The following TLE4 variants were observed in gnomAD, a reference collection of about 807,000 sequenced individuals.
The protein encoded by TLE4 is TLE family member 4, transcriptional corepressor.
In TLE4, 8 loss-of-function variants were observed where a neutral mutation model predicts 92.8. The observed-to-expected ratio is 0.09, with a 90% CI of 0.05 to 0.16. TLE4 has a LOEUF of 0.16. TLE4 is among the 10% of genes least tolerant of loss of function. TLE4 has a pLI of 1.00. For synonymous variants in TLE4, 371 were observed against 374.1 expected, an observed-to-expected ratio of 0.99 and a Z score of 0.10; for missense variants, 675 against 997.6, an observed-to-expected ratio of 0.68 and a Z score of 4.36.
intron 8 of TLE4, among the ~76,000 whole-genome samples, chr9:79,689,672 G>A (rs373263774): frequency 1.3e-5 from 2 of 152,166 alleles, no homozygotes; most frequent in Non-Finnish European, 2.9e-5. Flanking sequence ...TCATCCTGAC[G>A]TGACTGGCTT....
intron 8 of TLE4, among the ~76,000 whole-genome samples, chr9:79,677,432 T>TA (rs1445508340): frequency 2.0e-5 from 3 of 152,120 alleles, no homozygotes; most frequent in African/African-American, 7.2e-5. Context: ...CTGTGTGCCT[T>TA]ATGTATGTTG....
chr9:79,682,201 T>G (rs1426003795), intron 8 of TLE4, among the ~76,000 whole-genome samples: 1 of 152,180 alleles, frequency 6.6e-6, no homozygotes, highest in Non-Finnish European at 1.5e-5. Flanking sequence ...TCCACTATTC[T>G]GAAATCCAGA....
At chr9:79,718,580 T>C (rs1438310224) in intron 14 of TLE4, 142 bp from the exon 15 acceptor site, 4 of 1,278,788 alleles carry the variant, frequency 3.1e-6, no homozygotes, top group South Asian at 3.1e-5. Flanking sequence ...AATTATGTTC[T>C]TTACACTGTA....
intron 8 of TLE4, among the ~76,000 whole-genome samples, chr9:79,670,699 G>T (rs1178998695): frequency 6.6e-6 from 1 of 152,108 alleles, no homozygotes; most frequent in Non-Finnish European, 1.5e-5. Flanking sequence ...ACAGCCAGTA[G>T]GCAGGAAACA....
chr9:79,627,261 T>A, intron 5 of TLE4, 113 bp from the exon 6 acceptor site: 3 of 1,035,550 alleles, frequency 2.9e-6, no homozygotes, highest in Non-Finnish European at 3.0e-6. Flanking sequence ...AACCTGGAGA[T>A]CCCCCAAATG....
At chr9:79,694,998 G>GGTCACAGACAGCTGAGGAGTGT (rs1426848291) in intron 8 of TLE4, among the ~76,000 whole-genome samples, 2 of 152,134 alleles carry the variant, frequency 1.3e-5, no homozygotes, top group Non-Finnish European at 2.9e-5. Flanking sequence ...GTTTCCCTGT[G>GGTCACAGACAGCTGAGGAGTGT]GTCACAGACA....
chr9:79,671,485 A>G (rs1281411717), intron 8 of TLE4: 2 of 298,158 alleles, frequency 6.7e-6, no homozygotes, highest in Non-Finnish European at 1.4e-5. Flanking sequence ...GTTGTAAACC[A>G]TAACAATTCT....
At chr9:79,706,392 C>A (rs2071568722) in intron 10 of TLE4, among the ~76,000 whole-genome samples, 1 of 146,192 alleles carries the variant, frequency 6.8e-6, no homozygotes, top group Non-Finnish European at 1.5e-5. Context: ...TGTTATTGAT[C>A]TTTTTTTTTT....
Position 79,572,755 on chromosome 9 carries a change from C to G in TLE4, c.-36C>G. On this transcript the variant is annotated 5_prime_UTR_variant, in exon 1 of 20. Transcript: ENST00000376552. ...GGGTCATTAAAGCCAATGAGCCGCG[C>G]GCCTCTGCCGAGCGCAGCCAACTAA... 6.3e-7 allele frequency: 1 copy of G among 1,591,492 alleles called. No individual in the cohort carries two copies.
chr9:79,593,492 ACAGT>A (rs1411010737), intron 4 of TLE4, among the ~76,000 whole-genome samples: 2 of 152,190 alleles, frequency 1.3e-5, no homozygotes, highest in Non-Finnish European at 2.9e-5. Context: ...GAAACTCTAA[ACAGT>A]CAGAACACAG....
intron 8 of TLE4, among the ~76,000 whole-genome samples, chr9:79,668,488 A>G (rs890418039): frequency 6.6e-6 from 1 of 152,160 alleles, no homozygotes; most frequent in Non-Finnish European, 1.5e-5. Flanking sequence ...TTTGTTGCTT[A>G]TGTACCTTGG....
chr9:79,701,786 G>C (rs989535800), intron 8 of TLE4, among the ~76,000 whole-genome samples: 1 of 152,154 alleles, frequency 6.6e-6, no homozygotes, highest in Non-Finnish European at 1.5e-5. Flanking sequence ...GCGTGCAGAG[G>C]GGATGTTCAG....
At chr9:79,654,910 G>A (rs1316964042) in intron 8 of TLE4, among the ~76,000 whole-genome samples, 3 of 152,190 alleles carry the variant, frequency 2.0e-5, no homozygotes, top group East Asian at 3.9e-4. Flanking sequence ...TTGGGAGGCC[G>A]AGGTGGGCGG....
At chr9:79,672,880 C>G (rs1313439114) in intron 8 of TLE4, among the ~76,000 whole-genome samples, 2 of 152,128 alleles carry the variant, frequency 1.3e-5, no homozygotes, top group African/African-American at 2.4e-5. Flanking sequence ...AAAGTGGAAA[C>G]TTTCTACAGC....
intron 8 of TLE4, among the ~76,000 whole-genome samples, chr9:79,688,720 G>A (rs1025042170): frequency 1.3e-5 from 2 of 151,646 alleles, no homozygotes; most frequent in African/African-American, 2.4e-5. Context: ...TCAAAGCCTC[G>A]ATGTTTAATC....
intron 8 of TLE4, among the ~76,000 whole-genome samples, chr9:79,666,196 TGG>T (rs1337043975): frequency 1.7e-3 from 193 of 112,842 alleles, no homozygotes; most frequent in Non-Finnish European, 2.4e-3. Flanking sequence ...TGTGTGTGTG[TGG>T]GTGGGGTTTT....
rs546708110 is a variant in TLE4 at position 79,708,703 on chromosome 9, G to C, written c.1180G>C (p.Ala394Pro). ...GELTSPGAAY[A>P]GLHNISPQMS... ...GCTGACCAGCCCCGGAGCGGCCTACGCTGGGCTCCACAACATCTCCCCTCA... is the reference window on the plus strand; with the variant it reads ...GCTGACCAGCCCCGGAGCGGCCTACCCTGGGCTCCACAACATCTCCCCTCA... The change falls in exon 13 of 20, where the codon GCT (alanine) becomes CCT (proline). Residue 394 changes from alanine (A) to proline (P), a missense_variant. Coordinates refer to ENST00000376552, the MANE Select transcript of TLE4 (RefSeq NM_007005.6). 4 of 1,613,426 alleles carry C rather than the reference G, an allele frequency of 2.5e-6. No individual in the cohort carries two copies. The African/African-American group carries it at 5.3e-5, about 21-fold the overall frequency.
chr9:79,651,992 AT>A (rs2059083326), intron 6 of TLE4, among the ~76,000 whole-genome samples: 1 of 152,198 alleles, frequency 6.6e-6, no homozygotes, highest in South Asian at 2.1e-4. Context: ...TGTTAAAGAA[AT>A]ATGTTTGCAT....
At position 79,703,073 on chromosome 9, in the gene TLE4, G is replaced by A. The variant is rs1441875303; in HGVS notation, c.610-1710G>A. Among the ~76,000 whole-genome samples the A allele has an allele frequency of 5.9e-5, 9 of 151,614 alleles. No individual in the cohort carries two copies. In the South Asian group the frequency reaches 1.7e-3, roughly 28 times the overall value. On this transcript the variant is annotated intron_variant, in intron 8 of 19. Coordinates refer to ENST00000376552, the MANE Select transcript of TLE4 (RefSeq NM_007005.6). ...TAAGATAAAGCAAAAAAAAAAACCC[G>A]TTCAAAGAGTTAGTCTTATATGAAA...
Sources: allele counts gnomAD v4.1 joint callset (sites outside exome capture counted in the v4.1 genomes callset), GRCh38; gene constraint gnomAD v4.1.1; transcripts MANE v1.5; gene names NCBI Gene and HGNC (gene_info 2026-07-23, HGNC 2026-07-21).